Variants in CFAP46 observed in about 807,000 individuals in gnomAD.
CFAP46 encodes cilia- and flagella-associated protein 46.
A neutral mutation model predicts 325.7 loss-of-function variants in CFAP46; 245 were observed. That is an observed-to-expected ratio of 0.75 (90% CI 0.68 to 0.84). The LOEUF is 0.84. CFAP46 is among the 40% of genes least tolerant of loss of function. The pLI is 0.00. For synonymous variants in CFAP46, 1,523 were observed against 1,495.9 expected, an observed-to-expected ratio of 1.02 and a Z score of -0.42; for missense variants, 3,346 against 3,543.0, an observed-to-expected ratio of 0.94 and a Z score of 1.41.
chr10:132,857,829 A>G, intron 38 of CFAP46, 41 bp from the exon 39 acceptor site: 3 of 1,403,558 alleles, frequency 2.1e-6, no homozygotes, highest in Non-Finnish European at 2.9e-6. Flanking sequence ...ACATTATGTT[A>G]TTATTACTAA....
Position 132,898,810 on chromosome 10 carries a change from C to T in CFAP46, c.3219+149G>A, listed in dbSNP as rs1359881098. The T allele has an allele frequency of 5.3e-6, 6 of 1,130,376 alleles. No individual in the cohort carries two copies. In the Admixed American group the frequency reaches 8.0e-5, roughly 15 times the overall value. The allele number at this position is 1,130,376 out of a possible 1,614,324, so 70.0% of individuals were successfully genotyped here. ...GCAGTGCTGGGACTTGGAGACCCCCCTTAACCCCCTCCCCTCCTCGGCTGG... is the reference window on the plus strand; with the variant it reads ...GCAGTGCTGGGACTTGGAGACCCCCTTTAACCCCCTCCCCTCCTCGGCTGG... On this transcript the variant is annotated intron_variant, in intron 24 of 57. Transcript: ENST00000368586.
intron 35 of CFAP46, among the ~76,000 whole-genome samples, chr10:132,864,207 T>C (rs1591061481): frequency 1.2e-5 from 1 of 84,316 alleles, no homozygotes; most frequent in Non-Finnish European, 2.2e-5. Context: ...GTCCCCCGCC[T>C]GAGACCTGCA....
intron 50 of CFAP46, among the ~76,000 whole-genome samples, chr10:132,818,299 G>T (rs1847732859): frequency 1.3e-5 from 2 of 152,156 alleles, no homozygotes; most frequent in South Asian, 2.1e-4. Context: ...ACTCCACAGA[G>T]TCCATCTCGG....
chr10:132,861,634 G>A (rs1162915265), intron 35 of CFAP46, among the ~76,000 whole-genome samples: 3 of 152,256 alleles, frequency 2.0e-5, no homozygotes, highest in Non-Finnish European at 4.4e-5. Flanking sequence ...ATACAGGGCA[G>A]ACTGTGCTAA....
Position 132,885,105 on chromosome 10 carries a change from G to A in CFAP46, c.3625C>T (p.Gln1209Ter). 6.5e-7 allele frequency: 1 copy of A among 1,544,928 alleles called. No homozygotes were observed. Among genetic ancestry groups the A allele is most frequent in the Non-Finnish European group, 8.7e-7 (1 of 1,143,834 alleles). The change falls in exon 27 of 58, where the codon CAG becomes TAG. Residue 1209 changes from glutamine to a stop codon, truncating the protein, a stop_gained and splice_region_variant. Coordinates refer to ENST00000368586, the MANE Select transcript of CFAP46 (RefSeq NM_001200049.3). LOFTEE classifies it high-confidence loss of function. ...ACYNNAIQAL[Q>*]KPEMEWQKVE... ...CACCCACGCTTACGGCTTCACACCT[G>A]CAAGGCCTGGATGGCGTTGTTGTAG...
chr10:132,911,139 T>C (rs1849535200), intron 19 of CFAP46, among the ~76,000 whole-genome samples: 1 of 152,076 alleles, frequency 6.6e-6, no homozygotes, highest in East Asian at 1.9e-4. Context: ...CGCCCTCCCC[T>C]CCGCAGCCTC....
chr10:132,899,643 T>G lies in CFAP46; in HGVS notation c.2948A>C (p.Glu983Ala). Residue 983 changes from glutamate to alanine, a missense_variant, in exon 23 of 58, where the codon GAG becomes GCG. Transcript: ENST00000368586. ...GATGGCCGTGGCTGTGCACAGCATC[T>G]CTGCCACCAGCCGGGACTCCTCGCT... ...FGPEESRLVA[E>A]MLCTATAIQG... is the part of the protein sequence containing the mutation. The G allele has an allele frequency of 6.5e-7, 1 of 1,550,074 alleles. No individual in the cohort carries two copies. The highest frequency in any genetic ancestry group is 8.7e-7 in the Non-Finnish European group (1 of 1,146,762).
intron 55 of CFAP46, 29 bp downstream of exon 55, chr10:132,812,756 G>A (rs747784449): frequency 6.5e-7 from 1 of 1,545,790 alleles, no homozygotes; most frequent in Non-Finnish European, 8.9e-7. Flanking sequence ...TGCCCGCGGG[G>A]GAGGGGGTGC....
At chr10:132,908,422 C>T in intron 22 of CFAP46, 46 bp downstream of exon 22, 2 of 1,547,778 alleles carry the variant, frequency 1.3e-6, no homozygotes, top group South Asian at 2.4e-5. Flanking sequence ...GGCCTGCGCT[C>T]CCTGCCCGTT....
In CFAP46 at chr10:132,833,492, A is replaced by G. The variant is rs1848185483; in HGVS notation, c.6983T>C (p.Val2328Ala). The change falls in exon 50 of 58, where the codon GTC (valine) becomes GCC (alanine). Residue 2328 changes from valine to alanine, a missense_variant. Coordinates refer to ENST00000368586, the MANE Select transcript of CFAP46 (RefSeq NM_001200049.3). The stretch of plus-strand genomic sequence containing the variant: ...CAGGAGATGTCTGTCTGCGACCAGG[A>G]CTATCTTATCGGCAACCTCAGGCTG... ...TVQPEVADKI[V>A]LVADRHLLEL... 6.2e-7 allele frequency: 1 copy of G among 1,613,900 alleles called. No homozygotes were observed. The highest frequency in any genetic ancestry group is 8.5e-7 in the Non-Finnish European group (1 of 1,179,990).
At chr10:132,910,321 G>A (rs1223520115) in intron 19 of CFAP46, among the ~76,000 whole-genome samples, 3 of 152,206 alleles carry the variant, frequency 2.0e-5, no homozygotes, top group Non-Finnish European at 2.9e-5. Flanking sequence ...CTGTCCCCAC[G>A]GCATGGGCCT....
At position 132,868,364 on chromosome 10, in the gene CFAP46, C is replaced by T. The variant is rs569306604; in HGVS notation, c.4611-857G>A. Among the ~76,000 whole-genome samples, 304 of 152,368 alleles carry T rather than the reference C, an allele frequency of 2.0e-3. 1 individual carries two copies. Among genetic ancestry groups the T allele is most frequent in the African/African-American group, 7.0e-3 (290 of 41,590 alleles). On this transcript the variant is annotated intron_variant, in intron 33 of 57. Coordinates refer to ENST00000368586, the MANE Select transcript of CFAP46 (RefSeq NM_001200049.3). The stretch of plus-strand genomic sequence containing the variant: ...AGTTATTTTAGGGCTGTGAGGACAA[C>T]CGGGCCAAAGACCAGGTTCCTGGGA...
At chr10:132,850,480 C>A (rs528177052) in intron 40 of CFAP46, 48 bp from the exon 41 acceptor site, 15 of 1,483,828 alleles carry the variant, frequency 1.0e-5, no homozygotes, top group African/African-American at 9.7e-5. Context: ...GGGCAACCGC[C>A]CACCCTGCCC....
At chr10:132,917,912 G>A (rs967456618) in intron 16 of CFAP46, among the ~76,000 whole-genome samples, 12 of 148,476 alleles carry the variant, frequency 8.1e-5, no homozygotes, top group African/African-American at 2.3e-4. Context: ...CCTCAGCACC[G>A]ATGAACCCCC....
In CFAP46 at chr10:132,834,098, CG is replaced by C. The variant is rs1564771360; in HGVS notation, c.6891del (p.Asp2298IlefsTer30). On this transcript the variant is annotated frameshift_variant, in exon 49 of 58. Transcript: ENST00000368586. LOFTEE classifies it high-confidence loss of function. ...KARVQTPAVV[A>X]DSGKSKGKDK... ...TCTTTGCCCTTCGACTTCCCTGAAT[CG>C]GCAACAACCGCAGGTGTCTGCACTC... 1.9e-6 allele frequency: 3 copies of C among 1,614,110 alleles called. No homozygotes were observed. Among genetic ancestry groups the C allele is most frequent in the Non-Finnish European group, 2.5e-6 (3 of 1,180,016 alleles).
At chr10:132,867,541 C>T (rs1029900868) in intron 33 of CFAP46, 34 bp from the exon 34 acceptor site, 128 of 1,540,704 alleles carry the variant, frequency 8.3e-5, no homozygotes, top group Non-Finnish European at 1.0e-4. Flanking sequence ...ACGCAAGAGC[C>T]ACATGGCCAC....
chr10:132,877,010 A>T lies in CFAP46; in HGVS notation c.4213-49T>A, dbSNP rs1179720909. 1 of 1,528,452 alleles carries T rather than the reference A, an allele frequency of 6.5e-7. No individual in the cohort carries two copies. The highest frequency in any genetic ancestry group is 8.8e-7 in the Non-Finnish European group (1 of 1,133,742). 94.7% of individuals were successfully genotyped at this position (1,528,452 alleles called of 1,614,324 possible). A position where few individuals can be genotyped will look rare whatever the true frequency, so the allele number is the denominator to read the frequency against. ...TTACCTGAAACGGTGGAGGTGAAAC[A>T]GCAGACACCCCCGGCCCACCGGCAT... On this transcript the variant is annotated intron_variant, in intron 30 of 57. Coordinates refer to ENST00000368586, the MANE Select transcript of CFAP46 (RefSeq NM_001200049.3). This position sits in a 1 kb window ranked among gnomAD's most constrained non-coding sequence, Gnocchi z 5.7.
In CFAP46 at chr10:132,870,500, G is replaced by T. The variant is rs137952710; in HGVS notation, c.4512-1128C>A. ...TGAAGGGAAAGTTCTGAAAGGAAAT[G>T]AGAAGCTCCTACAGGGAACATATGA... On this transcript the variant is annotated intron_variant, in intron 32 of 57. Coordinates refer to ENST00000368586, the MANE Select transcript of CFAP46 (RefSeq NM_001200049.3). 9.9e-3 allele frequency among the ~76,000 whole-genome samples: 1,501 copies of T among 152,302 alleles called. 15 individuals carry two copies. Among genetic ancestry groups the T allele is most frequent in the South Asian group, 0.044 (210 of 4,818 alleles).
chr10:132,857,801 TAAG>T lies in CFAP46; in HGVS notation c.5376-16_5376-14del. 1 of 1,499,446 alleles carries T rather than the reference TAAG, an allele frequency of 6.7e-7. No individual in the cohort carries two copies. Among genetic ancestry groups the T allele is most frequent in the Non-Finnish European group, 8.9e-7 (1 of 1,123,618 alleles). 92.9% of individuals were successfully genotyped at this position (1,499,446 alleles called of 1,614,324 possible). A position where few individuals can be genotyped will look rare whatever the true frequency, so the allele number is the denominator to read the frequency against. On this transcript the variant is annotated splice_polypyrimidine_tract_variant and intron_variant, in intron 38 of 57. Coordinates refer to ENST00000368586, the MANE Select transcript of CFAP46 (RefSeq NM_001200049.3). The stretch of plus-strand genomic sequence containing the variant: ...CTGGGCACGTAACCTTTATAAGACA[TAAG>T]AATGGAATTTTAAAACATTATGTTA...
Sources: gnomAD v4.1 joint callset for allele counts (sites outside exome capture counted in the v4.1 genomes callset) on GRCh38, gnomAD v4.1.1 for gene constraint, Gnocchi (gnomAD v3.1) non-coding constraint, MANE v1.5 for transcripts, NCBI Gene and HGNC (gene_info 2026-07-23, HGNC 2026-07-21) for gene names.